Variants in CUX1 observed in about 807,000 individuals in gnomAD.
The protein encoded by CUX1 is protein CASP.
Under a neutral mutation model 158.8 loss-of-function variants are expected in CUX1, and 31 were observed. The ratio of observed to expected loss-of-function variants is 0.20; its 90% CI spans 0.15 to 0.26. The LOEUF is 0.26. Ranked by LOEUF, CUX1 falls within the 10% of genes least tolerant of loss-of-function variation. The pLI is 1.00. For missense variants in CUX1, 1,589 were observed against 2,014.6 expected (o/e 0.79, Z 4.04); for synonymous variants, 879 against 862.1 (o/e 1.02, Z -0.34).
intron 4 of CUX1, among the ~76,000 whole-genome samples, chr7:102,080,817 G>A (rs1827298471): frequency 6.6e-6 from 1 of 152,192 alleles, no homozygotes; most frequent in Admixed American, 6.5e-5. Context: ...TTCCTTCAGA[G>A]TGATCCGAAG....
chr7:102,151,218 G>T (rs182951998), intron 8 of CUX1, among the ~76,000 whole-genome samples: 4 of 152,238 alleles, frequency 2.6e-5, no homozygotes, highest in African/African-American at 7.2e-5. Context: ...TTAATTCAGT[G>T]GGGGGAGGAG....
At chr7:102,241,830 C>T (rs561211102) in intron 23 of CUX1, among the ~76,000 whole-genome samples, 6 of 152,312 alleles carry the variant, frequency 3.9e-5, no homozygotes, top group South Asian at 2.1e-4. Context: ...ATTAGCCAGG[C>T]GTGGTAACAC....
chr7:101,819,231 T>C (rs904532688), intron 1 of CUX1, among the ~76,000 whole-genome samples: 3 of 152,260 alleles, frequency 2.0e-5, no homozygotes, highest in African/African-American at 7.2e-5. Flanking sequence ...AACCAGGTTT[T>C]CTTTTCTTTT....
intron 1 of CUX1, among the ~76,000 whole-genome samples, chr7:101,857,540 G>C (rs1168929309): frequency 2.6e-5 from 4 of 152,202 alleles, no homozygotes; most frequent in Admixed American, 6.5e-5. Flanking sequence ...AAGCGAGGAT[G>C]GGGTTTCACC....
chr7:101,926,872 CCTTGCTTTCTTTT>C (rs144981894), intron 2 of CUX1, among the ~76,000 whole-genome samples: 3,130 of 152,246 alleles, frequency 0.021, 107 homozygotes, highest in African/African-American at 0.067. Context: ...TTCTTTCCTT[CCTTGCTTTCTTTT>C]ACAAGTAGTC....
At chr7:101,853,952 C>T (rs1796538109) in intron 1 of CUX1, among the ~76,000 whole-genome samples, 1 of 152,214 alleles carries the variant, frequency 6.6e-6, no homozygotes, top group African/African-American at 2.4e-5. Context: ...CCAAGTCCTG[C>T]AGCTCGAATG....
intron 20 of CUX1, among the ~76,000 whole-genome samples, chr7:102,212,773 G>A (rs570865529): frequency 1.5e-3 from 227 of 150,858 alleles, no homozygotes; most frequent in Non-Finnish European, 2.7e-3. Context: ...CAAAAAGGCC[G>A]TGTGCCTTGC....
intron 1 of CUX1, among the ~76,000 whole-genome samples, chr7:101,836,867 G>C (rs1042597553): frequency 5.3e-5 from 8 of 152,112 alleles, no homozygotes; most frequent in African/African-American, 1.9e-4. Flanking sequence ...GGGGGCAGGG[G>C]AGACAGAGTA....
chr7:102,142,430 G>A (rs556446275), intron 8 of CUX1, among the ~76,000 whole-genome samples: 1 of 152,252 alleles, frequency 6.6e-6, no homozygotes, highest in East Asian at 1.9e-4. Context: ...GGGTATAGAT[G>A]ACAGAACAGC....
chr7:101,835,924 T>C (rs2131087397), intron 1 of CUX1, among the ~76,000 whole-genome samples: 1 of 152,306 alleles, frequency 6.6e-6, no homozygotes, highest in South Asian at 2.1e-4. Context: ...AGACGAGGTT[T>C]CACCATGTTG....
Position 102,250,592 on chromosome 7 carries a change from C to G in CUX1, c.*1550C>G. On this transcript the variant is annotated 3_prime_UTR_variant, in exon 24 of 24. Transcript: ENST00000292535. ...CCACTCCCATCCCTGTAGAAATGGC[C>G]CAAACTCACACCAAAACGTGGATGC... is the stretch of plus-strand genomic sequence containing the variant. The G allele has an allele frequency of 1.0e-6, 1 of 985,442 alleles. No individual in the cohort carries two copies. Among genetic ancestry groups the G allele is most frequent in the South Asian group, 4.7e-5 (1 of 21,288 alleles). 61.0% of individuals were successfully genotyped at this position (985,442 alleles called of 1,614,324 possible).
At chr7:102,043,370 T>TGTGTGTGTGTGTG (rs1554464757) in intron 3 of CUX1, among the ~76,000 whole-genome samples, 1 of 148,340 alleles carries the variant, frequency 6.7e-6, no homozygotes, top group African/African-American at 2.5e-5. Flanking sequence ...TGTGTGTGTG[T>TGTGTGTGTGTGTG]TGAGAACACT....
intron 9 of CUX1, among the ~76,000 whole-genome samples, chr7:102,167,626 G>A (rs1180648322): frequency 2.0e-5 from 3 of 152,228 alleles, no homozygotes; most frequent in African/African-American, 7.2e-5. Context: ...ATTCCAGGCA[G>A]AGTCTTAGAT....
exon 23 of CUX1, chr7:102,283,093 C>T (rs1383956089): frequency 1.4e-5 from 23 of 1,613,042 alleles, no homozygotes; most frequent in Non-Finnish European, 1.7e-5. Flanking sequence ...GGCAGTGATA[C>T]CCCGGGGCCT....
chr7:101,872,918 G>A (rs1045207059), intron 1 of CUX1, among the ~76,000 whole-genome samples: 1 of 152,038 alleles, frequency 6.6e-6, no homozygotes, highest in African/African-American at 2.4e-5. Flanking sequence ...TGTCACCCGG[G>A]CTGGAGTGCA....
intron 11 of CUX1, among the ~76,000 whole-genome samples, chr7:102,179,595 C>A (rs1000718489): frequency 1.1e-4 from 16 of 152,212 alleles, no homozygotes; most frequent in Non-Finnish European, 2.1e-4. Flanking sequence ...CCATAAATTT[C>A]TATCCCAGAC....
chr7:102,061,942 C>T lies in CUX1; in HGVS notation c.190-8397C>T, dbSNP rs117711755. ...TGCTGCAGTAACAAACAAACTGCTA[C>T]AAATCTCAGTGGCCTGTGGCAACCA... On this transcript the variant is annotated intron_variant, in intron 3 of 23. Transcript: ENST00000292535. Among the ~76,000 whole-genome samples, 1,326 of 152,304 alleles carry T rather than the reference C, an allele frequency of 8.7e-3. 7 individuals are homozygous for T. Among genetic ancestry groups the T allele is most frequent in the Middle Eastern group, 0.027 (8 of 294 alleles).
chr7:102,280,906 CT>C, intron 20 of CUX1: 1 of 1,575,164 alleles, frequency 6.3e-7, no homozygotes, highest in Non-Finnish European at 8.7e-7. Context: ...AGGCCTGAGC[CT>C]CTGTCTCCAG....
At chr7:102,141,143 G>A (rs1467825490) in intron 8 of CUX1, among the ~76,000 whole-genome samples, 2 of 152,016 alleles carry the variant, frequency 1.3e-5, no homozygotes, top group Non-Finnish European at 2.9e-5. Context: ...AGCAGAATAG[G>A]AACCGCTGAA....
Sources: allele counts gnomAD v4.1 joint callset (sites outside exome capture counted in the v4.1 genomes callset), GRCh38; gene constraint gnomAD v4.1.1; transcripts MANE v1.5; gene names NCBI Gene and HGNC (gene_info 2026-07-23, HGNC 2026-07-21).